Variants in BRD9 observed in about 807,000 individuals in gnomAD.
The protein encoded by BRD9 is bromodomain containing 9.
A neutral mutation model predicts 68.7 loss-of-function variants in BRD9; 47 were observed. The observed-to-expected ratio is 0.68, with a 90% confidence interval of 0.54 to 0.87. The LOEUF (loss-of-function observed/expected upper bound fraction) is 0.87, where lower values mean the gene tolerates loss of function less well. Ranked by LOEUF, BRD9 falls within the 40% of genes least tolerant of loss-of-function variation. The pLI is 0.00. For synonymous variants in BRD9, 313 were observed against 293.9 expected (o/e 1.06, Z -0.67); for missense variants, 670 against 748.4 (o/e 0.90, Z 1.22).
chr5:871,642 C>T lies in BRD9; in HGVS notation c.1384-78G>A, dbSNP rs150857914. On this transcript the variant is annotated intron_variant, in intron 12 of 15. Transcript: ENST00000467963. Reference sequence around the variant, plus strand: ...ACGGACAATTCGCTGACATTACACACACGTAAAAATGGCTTGTGCGCTTCT... The same window carrying T: ...ACGGACAATTCGCTGACATTACACATACGTAAAAATGGCTTGTGCGCTTCT... 1,317 of 1,376,090 alleles carry T rather than the reference C, an allele frequency of 9.6e-4. 2 individuals carry two copies. The highest frequency in any genetic ancestry group is 2.3e-3 in the Admixed American group (139 of 59,586). 85.2% of individuals were successfully genotyped at this position (1,376,090 alleles called of 1,614,324 possible). A position where few individuals can be genotyped will look rare whatever the true frequency, so the allele number is the denominator to read the frequency against.
At position 891,724 on chromosome 5, in the gene BRD9, C is replaced by A; in HGVS notation, c.183G>T (p.Glu61Asp). 1 of 1,551,704 alleles carries A rather than the reference C, an allele frequency of 6.4e-7. No individual in the cohort carries two copies. Among genetic ancestry groups the A allele is most frequent in the Non-Finnish European group, 8.7e-7 (1 of 1,147,016 alleles). Residue 61 changes from glutamate (E) to aspartate (D), a missense_variant, in exon 2 of 16, where the codon GAG becomes GAT. Glu to Asp is a conservative substitution (Grantham distance 45). Transcript: ENST00000467963. ...TCTTCTTTTTCTTTTCTTTGTGCCT[C>A]TCTCGCTCATGGTCTGACCTGTCAT... ...YYDDRSDHER[E>D]RHKEKKKKKK... is the part of the protein sequence containing the mutation.
chr5:881,910 C>T (rs1439637200), intron 8 of BRD9: 1 of 152,476 alleles, frequency 6.6e-6, no homozygotes, highest in Non-Finnish European at 1.5e-5. Flanking sequence ...GTCCTCACGG[C>T]GCAGATACAA....
intron 8 of BRD9, 41 bp from the exon 9 acceptor site, chr5:881,223 G>C (rs561978228): frequency 3.2e-6 from 5 of 1,582,750 alleles, no homozygotes; most frequent in Non-Finnish European, 4.3e-6. Context: ...CCTCAGGAGG[G>C]GCAGCGCAGC....
intron 14 of BRD9, chr5:865,793 C>T (rs750781377): frequency 2.4e-5 from 13 of 534,970 alleles, no homozygotes; most frequent in Non-Finnish European, 4.2e-5. Flanking sequence ...AGACACCCAG[C>T]GTCCTTTGCT....
Position 891,252 on chromosome 5 carries a change from A to T in BRD9, c.303T>A (p.Cys101Ter). The T allele has an allele frequency of 6.4e-7, 1 of 1,551,760 alleles. No homozygotes were observed. The highest frequency in any genetic ancestry group is 8.7e-7 in the Non-Finnish European group (1 of 1,147,002). Reference sequence around the variant, plus strand: ...AGTCGTCAGCCTCTCCCTCCGTGTCACAGTGCTCCCTCTCTCGCTTCCGCT... The same window carrying T: ...AGTCGTCAGCCTCTCCCTCCGTGTCTCAGTGCTCCCTCTCTCGCTTCCGCT... ...EKKRKREREH[C>*]DTEGEADDFD... Residue 101 changes from cysteine (C) to a stop codon, truncating the protein, a stop_gained, in exon 3 of 16, where the codon TGT becomes TGA. Transcript: ENST00000467963. LOFTEE classifies it high-confidence loss of function.
rs568014294 is a variant in BRD9, at chr5:885,529, C to T, written c.833+1063G>A. Among the ~76,000 whole-genome samples, 48 of 152,376 alleles carry T rather than the reference C, an allele frequency of 3.2e-4. No individual in the cohort carries two copies. In the South Asian group the frequency reaches 7.3e-3, roughly 23 times the overall value. On this transcript the variant is annotated intron_variant, in intron 7 of 15. Coordinates refer to ENST00000467963, the MANE Select transcript of BRD9 (RefSeq NM_023924.5). ...TTGCCTCAAGGACGTTCAGTACCAA[C>T]TCCAGACGGTCCCTGACTTCCCACA...
In BRD9 at chr5:889,580, G is replaced by C; in HGVS notation, c.461+7C>G. Reference sequence around the variant, plus strand: ...GACACTAGCTCTTCAGAAACGCCCCGGTTTACCTCTGAAGCTGGCGGAGGA... The same window carrying C: ...GACACTAGCTCTTCAGAAACGCCCCCGTTTACCTCTGAAGCTGGCGGAGGA... On this transcript the variant is annotated splice_region_variant and intron_variant, in intron 4 of 15. Transcript: ENST00000467963. The C allele has an allele frequency of 6.2e-7, 1 of 1,613,440 alleles. No homozygotes were observed. Among genetic ancestry groups the C allele is most frequent in the Non-Finnish European group, 8.5e-7 (1 of 1,179,714 alleles).
chr5:889,817 G>T (rs116027089), intron 3 of BRD9, 170 bp from the exon 4 acceptor site: 69,359 of 1,428,780 alleles, frequency 0.049, 1,879 homozygotes, highest in African/African-American at 0.083. Context: ...ACCAAGCTCA[G>T]CCGGGTAGAA....
chr5:881,046 C>G (rs1201115750), intron 9 of BRD9, 61 bp downstream of exon 9: 2 of 1,533,016 alleles, frequency 1.3e-6, no homozygotes, highest in Admixed American at 3.4e-5. Flanking sequence ...TACAGAATAT[C>G]AACGGAGGCC....
chr5:865,545 T>C lies in BRD9; in HGVS notation c.1562A>G (p.His521Arg). The change falls in exon 15 of 16, where the codon CAT becomes CGT. Residue 521 changes from histidine to arginine, a missense_variant. This residue lies in a region of BRD9 where 280 missense variants were observed against 281.5 expected (regional missense o/e 0.99). Transcript: ENST00000467963. ...CTTCGTCGTCTCATCCAAGTTCAAA[T>C]GGCTGTCGTCAGGGTCCAGCTCCTT... is the stretch of plus-strand genomic sequence containing the variant. ...VKKELDPDDSHLNLDETTKLL... is the reference protein window; with the variant it reads ...VKKELDPDDSRLNLDETTKLL... 6.2e-7 allele frequency: 1 copy of C among 1,605,328 alleles called. No individual in the cohort carries two copies. The highest frequency in any genetic ancestry group is 8.5e-7 in the Non-Finnish European group (1 of 1,178,694).
In BRD9 at chr5:889,464, G is replaced by A. The variant is rs1326952089; in HGVS notation, c.461+123C>T. ...CTACGCACCCCGAAGTGGACTGGGA[G>A]TCACCAAGAGAAGGTGCAGGGTCTG... On this transcript the variant is annotated intron_variant, in intron 4 of 15. Transcript: ENST00000467963. 5.6e-6 allele frequency: 6 copies of A among 1,077,480 alleles called. No homozygotes were observed. The African/African-American group carries it at 8.1e-5, about 15-fold the overall frequency. The allele number at this position is 1,077,480 out of a possible 1,614,324, so 66.7% of individuals were successfully genotyped here.
intron 15 of BRD9, 62 bp downstream of exon 15, chr5:865,352 C>G: frequency 6.7e-7 from 1 of 1,499,500 alleles, no homozygotes; most frequent in Non-Finnish European, 8.9e-7. Flanking sequence ...ACTACCTCGT[C>G]TAGACGTCAC....
chr5:892,384 G>C (rs1024067182), intron 1 of BRD9: 61 of 1,105,496 alleles, frequency 5.5e-5, no homozygotes, highest in African/African-American at 1.7e-5. Context: ...TTGCAGCCTC[G>C]AACCCAGAAC....
chr5:890,166 C>T (rs1753148210), intron 3 of BRD9: 1 of 190,794 alleles, frequency 5.2e-6, no homozygotes, highest in Non-Finnish European at 1.1e-5. Flanking sequence ...GCACTCCAGC[C>T]TAGGCGACAC....
At chr5:866,222 C>G (rs555675512) in intron 14 of BRD9, 4 of 152,386 alleles carry the variant, frequency 2.6e-5, no homozygotes, top group African/African-American at 7.2e-5. Context: ...GTCTAAGCCA[C>G]TTCTCAAACT....
chr5:881,206 G>C, intron 8 of BRD9, 24 bp from the exon 9 acceptor site: 1 of 1,611,138 alleles, frequency 6.2e-7, no homozygotes, highest in South Asian at 1.1e-5. Flanking sequence ...CTGCCTGAGC[G>C]TCTGTCCCTC....
At chr5:878,100 T>C (rs1274795227) in intron 11 of BRD9, among the ~76,000 whole-genome samples, 1 of 152,184 alleles carries the variant, frequency 6.6e-6, no homozygotes, top group Admixed American at 6.5e-5. Context: ...TACGATCCAG[T>C]GTGCTCAACA....
chr5:881,417 A>T, intron 8 of BRD9: 1 of 575,426 alleles, frequency 1.7e-6, no homozygotes, highest in East Asian at 2.9e-5. Context: ...TAGGGGGTAC[A>T]GCTGAAACAA....
At chr5:886,962 CCTT>C in intron 6 of BRD9, 1 of 565,748 alleles carries the variant, frequency 1.8e-6, no homozygotes, top group Non-Finnish European at 3.1e-6. Context: ...CTCCCCTTTA[CCTT>C]CTCCTACGTG....
Sources: allele counts gnomAD v4.1 joint callset (sites outside exome capture counted in the v4.1 genomes callset), GRCh38; gene constraint gnomAD v4.1.1; regional missense constraint gnomAD v4.1.1; transcripts MANE v1.5; gene names NCBI Gene and HGNC (gene_info 2026-07-23, HGNC 2026-07-21).